ERBIN: variants seen among roughly 807,000 people sequenced by gnomAD.
The protein encoded by ERBIN is erbb2 interacting protein.
A neutral mutation model predicts 158.4 loss-of-function variants in ERBIN; 60 were observed. The ratio of observed to expected loss-of-function variants is 0.38; its 90% CI spans 0.31 to 0.47. The LOEUF is 0.47. Ranked by LOEUF, ERBIN falls within the 20% of genes least tolerant of loss-of-function variation. The pLI is 0.99. For synonymous variants in ERBIN, 594 were observed against 557.2 expected (o/e 1.07, Z -0.93); for missense variants, 1,610 against 1,648.0 (o/e 0.98, Z 0.40).
intron 22 of ERBIN, 38 bp downstream of exon 22, chr5:66,072,329 C>G: frequency 6.5e-7 from 1 of 1,542,888 alleles, no homozygotes. Context: ...TATCTGTGAG[C>G]TTTCTATATT....
intron 22 of ERBIN, among the ~76,000 whole-genome samples, chr5:66,072,912 A>G (rs548566486): frequency 1.7e-4 from 26 of 152,280 alleles, no homozygotes; most frequent in African/African-American, 5.1e-4. Flanking sequence ...TAAAACTTCT[A>G]TGTTGCTCTT....
chr5:65,971,870 A>G lies in ERBIN; in HGVS notation c.-57-16765A>G, dbSNP rs251328. ...GTTCCCTTTCCAATCTGCTCCATCT[A>G]GGAGGGCAGTGTTACCTGGTACCAA... is the stretch of plus-strand genomic sequence containing the variant. On this transcript the variant is annotated intron_variant, in intron 1 of 25. Transcript: ENST00000284037. Among the ~76,000 whole-genome samples the G allele has an allele frequency of 3.3e-5, 5 of 152,192 alleles. No individual in the cohort carries two copies. The East Asian group carries it at 7.7e-4, about 24-fold the overall frequency.
chr5:65,991,733 T>G (rs1751889891), intron 2 of ERBIN, among the ~76,000 whole-genome samples: 1 of 152,234 alleles, frequency 6.6e-6, no homozygotes, highest in African/African-American at 2.4e-5. Flanking sequence ...AAGTTGGCCC[T>G]GAGAATGTTC....
intron 1 of ERBIN, among the ~76,000 whole-genome samples, chr5:65,930,588 A>G (rs548635548): frequency 2.6e-4 from 40 of 152,210 alleles, no homozygotes; most frequent in Non-Finnish European, 4.6e-4. Flanking sequence ...GATTACAGGC[A>G]TGAGCCACCG....
At chr5:65,936,786 A>G (rs1460508138) in intron 1 of ERBIN, among the ~76,000 whole-genome samples, 1 of 152,230 alleles carries the variant, frequency 6.6e-6, no homozygotes, top group African/African-American at 2.4e-5. Context: ...AATATAGAAC[A>G]TAGAAGATGA....
rs2151317161 is a variant in ERBIN, at chr5:66,078,894, G to T, written c.*364G>T. 1 of 184,916 alleles carries T rather than the reference G, an allele frequency of 5.4e-6. No individual in the cohort carries two copies. The highest frequency in any genetic ancestry group is 1.1e-5 in the Non-Finnish European group (1 of 89,688). The allele number at this position is 184,916 out of a possible 1,614,324, so 11.5% of individuals were successfully genotyped here. A position where few individuals can be genotyped will look rare whatever the true frequency, so the allele number is the denominator to read the frequency against. ...CTTGATTTTAGCCCAGAGACAGATG[G>T]CAGAGCTATCTCTCTCATAGCTTTT... On this transcript the variant is annotated 3_prime_UTR_variant, in exon 26 of 26. Transcript: ENST00000284037.
intron 1 of ERBIN, among the ~76,000 whole-genome samples, chr5:65,936,888 G>A (rs976808157): frequency 2.0e-5 from 3 of 152,280 alleles, no homozygotes; most frequent in African/African-American, 7.2e-5. Flanking sequence ...TGAAGAGTGT[G>A]TATCAATTTG....
intron 1 of ERBIN, among the ~76,000 whole-genome samples, chr5:65,943,099 A>AT (rs1002266290): frequency 2.6e-5 from 4 of 152,182 alleles, no homozygotes; most frequent in African/African-American, 9.7e-5. Context: ...GCTAAAGTCT[A>AT]TTGTTTATAT....
intron 2 of ERBIN, among the ~76,000 whole-genome samples, chr5:65,992,239 T>G (rs972986349): frequency 6.6e-6 from 1 of 152,016 alleles, no homozygotes; most frequent in African/African-American, 2.4e-5. Flanking sequence ...AAGCTCCACC[T>G]CCCGGGTTCA....
chr5:65,963,742 A>T (rs1356541863), intron 1 of ERBIN, among the ~76,000 whole-genome samples: 2 of 150,900 alleles, frequency 1.3e-5, no homozygotes, highest in Non-Finnish European at 3.0e-5. Flanking sequence ...GACAAATTTT[A>T]TTTTTTTATA....
At chr5:66,062,368 C>A (rs1760493916) in intron 21 of ERBIN, among the ~76,000 whole-genome samples, 1 of 152,230 alleles carries the variant, frequency 6.6e-6, no homozygotes, top group African/African-American at 2.4e-5. Flanking sequence ...TCACATAGTT[C>A]TCGTGCTGTG....
At chr5:66,066,765 T>C (rs1761044669) in intron 21 of ERBIN, among the ~76,000 whole-genome samples, 1 of 152,224 alleles carries the variant, frequency 6.6e-6, no homozygotes. Context: ...TCACTCGTTA[T>C]TATACAACTA....
In ERBIN at chr5:65,949,061, G is replaced by T. The variant is rs1003303317; in HGVS notation, c.-58+22255G>T. Among the ~76,000 whole-genome samples the T allele has an allele frequency of 6.2e-4, 95 of 152,202 alleles. 1 individual carries two copies. The highest frequency in any genetic ancestry group is 2.9e-5 in the Non-Finnish European group (2 of 68,010). On this transcript the variant is annotated intron_variant, in intron 1 of 25. Coordinates refer to ENST00000284037, the MANE Select transcript of ERBIN (RefSeq NM_001253697.2). ...TTACAGGTTTGAGCCACCGTGCCTGGCCATGTTTTGCTTCTTGATGCAAAA... is the reference window on the plus strand; with the variant it reads ...TTACAGGTTTGAGCCACCGTGCCTGTCCATGTTTTGCTTCTTGATGCAAAA...
chr5:66,003,741 C>T (rs1753241682), intron 4 of ERBIN, among the ~76,000 whole-genome samples: 1 of 151,954 alleles, frequency 6.6e-6, no homozygotes, highest in African/African-American at 2.4e-5. Context: ...AATGCCAGGG[C>T]TTGTTTGTAT....
chr5:65,974,083 T>TA (rs1287537449), intron 1 of ERBIN, among the ~76,000 whole-genome samples: 26 of 151,122 alleles, frequency 1.7e-4, no homozygotes, highest in African/African-American at 6.4e-4. Context: ...AAATAAAAAC[T>TA]AAAAAAATAA....
chr5:65,933,927 G>C (rs967045238), intron 1 of ERBIN, among the ~76,000 whole-genome samples: 1 of 151,776 alleles, frequency 6.6e-6, no homozygotes, highest in Admixed American at 6.6e-5. Flanking sequence ...TTATTTGAGA[G>C]CTCTGTCGCC....
intron 21 of ERBIN, among the ~76,000 whole-genome samples, chr5:66,065,603 G>C (rs1159669607): frequency 1.6e-4 from 2 of 12,598 alleles, no homozygotes; most frequent in African/African-American, 2.8e-3. Flanking sequence ...GTGTGTGTGT[G>C]TGTGTGTGTG....
At chr5:66,005,631 A>G (rs1219280871) in intron 4 of ERBIN, among the ~76,000 whole-genome samples, 1 of 152,192 alleles carries the variant, frequency 6.6e-6, no homozygotes, top group Non-Finnish European at 1.5e-5. Flanking sequence ...AGATGACATG[A>G]TTGTATATCT....
At chr5:65,999,181 GAATGTGGACCCCGTCTCTACTAAA>G (rs1752768542) in intron 4 of ERBIN, among the ~76,000 whole-genome samples, 1 of 150,774 alleles carries the variant, frequency 6.6e-6, no homozygotes, top group South Asian at 2.1e-4. Flanking sequence ...CCAGCCTGGC[GAATGTGGACCCCGTCTCTACTAAA>G]AATGCAAAAA....
Sources: allele counts gnomAD v4.1 joint callset (sites outside exome capture counted in the v4.1 genomes callset), GRCh38; gene constraint gnomAD v4.1.1; transcripts MANE v1.5; gene names NCBI Gene and HGNC (gene_info 2026-07-23, HGNC 2026-07-21).